The following MMP21 variants were observed in gnomAD, a reference collection of about 807,000 sequenced individuals.
MMP21 encodes matrix metalloproteinase-21.
In MMP21, 40 loss-of-function variants were observed where a neutral mutation model predicts 47.8. That is an observed-to-expected ratio of 0.84 (90% confidence interval 0.65 to 1.09). The LOEUF (loss-of-function observed/expected upper bound fraction) is 1.09. Among genes scored for constraint, MMP21 ranks in the 50% least tolerant of loss-of-function variants. The pLI is 0.00. For synonymous variants in MMP21, 341 were observed against 318.0 expected, an observed-to-expected ratio of 1.07 and a Z score of -0.77; for missense variants, 747 against 775.3, an observed-to-expected ratio of 0.96 and a Z score of 0.43.
chr10:125,770,662 TTGAA>T, intron 4 of MMP21, 71 bp from the exon 5 acceptor site: 1 of 1,535,940 alleles, frequency 6.5e-7, no homozygotes, highest in Non-Finnish European at 8.8e-7. Context: ...CATATGTGAC[TTGAA>T]TGAAGACAGT....
At chr10:125,769,107 G>A (rs1850416775) in intron 5 of MMP21, among the ~76,000 whole-genome samples, 1 of 152,206 alleles carries the variant, frequency 6.6e-6, no homozygotes, top group South Asian at 2.1e-4. Flanking sequence ...GGAAAAAGCA[G>A]TGACCCCAAA....
chr10:125,772,567 G>A lies in MMP21; in HGVS notation c.837+44C>T, dbSNP rs1202295920. The A allele has an allele frequency of 9.3e-6, 15 of 1,611,888 alleles. No homozygotes were observed. Among genetic ancestry groups the A allele is most frequent in the Non-Finnish European group, 1.3e-5 (15 of 1,178,058 alleles). ...GGACTTTTTGGACGTCAGCCCATGAGCACTGCTGGTGTCTTATCAACACAG... is the reference window on the plus strand; with the variant it reads ...GGACTTTTTGGACGTCAGCCCATGAACACTGCTGGTGTCTTATCAACACAG... On this transcript the variant is annotated intron_variant, in intron 3 of 6. Coordinates refer to ENST00000368808, the MANE Select transcript of MMP21 (RefSeq NM_147191.1). The surrounding 1 kb of genome is among the most constrained non-coding windows in gnomAD (Gnocchi z 5.6).
Position 125,770,488 on chromosome 10 carries a change from G to GT in MMP21, c.1082dup (p.Asn361LysfsTer8). ...GATTTTCATAAAGCCAGTACCAGCT[G>GT]TTACGGAAGAAATATGTGCTAAATC... On this transcript the variant is annotated frameshift_variant, in exon 5 of 7. Coordinates refer to ENST00000368808, the MANE Select transcript of MMP21 (RefSeq NM_147191.1). LOFTEE classifies it high-confidence loss of function. 6.2e-7 allele frequency: 1 copy of GT among 1,614,150 alleles called. No individual in the cohort carries two copies. Among genetic ancestry groups the GT allele is most frequent in the Non-Finnish European group, 8.5e-7 (1 of 1,180,028 alleles).
Position 125,774,199 on chromosome 10 carries a change from G to A in MMP21, c.329C>T (p.Ala110Val), listed in dbSNP as rs748424340. The A allele has an allele frequency of 4.6e-5, 62 of 1,350,878 alleles. No individual in the cohort carries two copies. Among genetic ancestry groups the A allele is most frequent in the Non-Finnish European group, 5.3e-5 (56 of 1,055,884 alleles). The allele number at this position is 1,350,878 out of a possible 1,614,324, so 83.7% of individuals were successfully genotyped here. ...CCCGCAGCGCGGCCGGTTCATGGCC[G>A]CTAGGGTGGCCGCGTCCAGCTCCCC... ...ASGELDAATL[A>V]AMNRPRCGVP... Residue 110 changes from alanine to valine, a missense_variant, in exon 2 of 7, where the codon GCG becomes GTG. By Grantham distance (64) the Ala-to-Val change is moderately conservative. Transcript: ENST00000368808.
rs1273263500 is a variant in MMP21, at chr10:125,767,759, A to AT, written c.1238-56_1238-55insA. 2.5e-6 allele frequency: 4 copies of AT among 1,573,140 alleles called. No homozygotes were observed. In the African/African-American group the frequency reaches 5.4e-5, roughly 21 times the overall value. ...GTTTATTACTATTAAATCACGTGAC[A>AT]AAAAGGACAGTTTTCAATCTAGGTC... On this transcript the variant is annotated intron_variant, in intron 5 of 6. Transcript: ENST00000368808.
At position 125,773,420 on chromosome 10, in the gene MMP21, T is replaced by A. The variant is rs1406430735; in HGVS notation, c.697+411A>T. On this transcript the variant is annotated intron_variant, in intron 2 of 6. Coordinates refer to ENST00000368808, the MANE Select transcript of MMP21 (RefSeq NM_147191.1). The surrounding 1 kb of genome is among the most constrained non-coding windows in gnomAD (Gnocchi z 4.8). The stretch of plus-strand genomic sequence containing the variant: ...GGTCTGCCCCTTAAAAACACTTCTG[T>A]TGCTAGACGTCCAAGGTATTTTGTC... Among the ~76,000 whole-genome samples, 1 of 152,036 alleles carries A rather than the reference T, an allele frequency of 6.6e-6. No individual in the cohort carries two copies. Among genetic ancestry groups the A allele is most frequent in the African/African-American group, 2.4e-5 (1 of 41,390 alleles).
Position 125,770,514 on chromosome 10 carries a change from T to C in MMP21, c.1057A>G (p.Arg353Gly). ...TTACGGAAGAAATATGTGCTAAATC[T>C]CACCATCACCTCTCCATATTGGTTT... Reference protein sequence around the residue: ...ERNQYGEVMVRFSTYFFRNSW... With the variant: ...ERNQYGEVMVGFSTYFFRNSW... The change falls in exon 5 of 7, where the codon AGA becomes GGA. Residue 353 changes from arginine (R) to glycine (G), a missense_variant. Transcript: ENST00000368808. 6.2e-7 allele frequency: 1 copy of C among 1,614,104 alleles called. No homozygotes were observed. The highest frequency in any genetic ancestry group is 8.5e-7 in the Non-Finnish European group (1 of 1,180,026).
intron 5 of MMP21, 131 bp downstream of exon 5, chr10:125,770,203 A>G: frequency 1.0e-6 from 1 of 982,602 alleles, no homozygotes. Flanking sequence ...TTCCAGTCTG[A>G]TGGAGCAGAC....
In MMP21 at chr10:125,766,955, C is replaced by A; in HGVS notation, c.1417G>T (p.Ala473Ser). The change falls in exon 7 of 7, where the codon GCA becomes TCA. Residue 473 changes from alanine to serine, a missense_variant. Ala to Ser is a moderately conservative substitution (Grantham distance 99, BLOSUM62 1). Transcript: ENST00000368808. ...IYFFKESLVFAFDVNRNRVLN... is the reference protein window; with the variant it reads ...IYFFKESLVFSFDVNRNRVLN... ...ACTCGATTTCTGTTGACATCAAATG[C>A]AAATACCTGCAAAGCAAATAAGATA... 1 of 1,576,760 alleles carries A rather than the reference C, an allele frequency of 6.3e-7. No homozygotes were observed. The highest frequency in any genetic ancestry group is 8.6e-7 in the Non-Finnish European group (1 of 1,165,948).
At position 125,774,343 on chromosome 10, in the gene MMP21, C is replaced by A; in HGVS notation, c.185G>T (p.Trp62Leu). 1 of 1,395,502 alleles carries A rather than the reference C, an allele frequency of 7.2e-7. No individual in the cohort carries two copies. Among genetic ancestry groups the A allele is most frequent in the Non-Finnish European group, 9.3e-7 (1 of 1,080,784 alleles). The allele number at this position is 1,395,502 out of a possible 1,614,324, so 86.4% of individuals were successfully genotyped here. Reference sequence around the variant, plus strand: ...CCCCCAGGCCGCCCACACCCCTGACCAGCCGTATCTGGACAGGAACCGCTG... The same window carrying A: ...CCCCCAGGCCGCCCACACCCCTGACAAGCCGTATCTGGACAGGAACCGCTG... The part of the protein sequence containing the change: ...AAQRFLSRYG[W>L]SGVWAAWGPS... Residue 62 changes from tryptophan (W) to leucine (L), a missense_variant, in exon 2 of 7, where the codon TGG becomes TTG. Trp to Leu is a moderately conservative substitution (Grantham distance 61). Coordinates refer to ENST00000368808, the MANE Select transcript of MMP21 (RefSeq NM_147191.1).
At position 125,773,806 on chromosome 10, in the gene MMP21, G is replaced by A. The variant is rs905665957; in HGVS notation, c.697+25C>T. 1.4e-6 allele frequency: 2 copies of A among 1,479,678 alleles called. No individual in the cohort carries two copies. Among genetic ancestry groups the A allele is most frequent in the African/African-American group, 1.5e-5 (1 of 68,888 alleles). 91.7% of individuals were successfully genotyped at this position (1,479,678 alleles called of 1,614,324 possible). A position where few individuals can be genotyped will look rare whatever the true frequency, so the allele number is the denominator to read the frequency against. On this transcript the variant is annotated intron_variant, in intron 2 of 6. Transcript: ENST00000368808. This position sits in a 1 kb window ranked among gnomAD's most constrained non-coding sequence, Gnocchi z 4.8. ...GGTCCCCGAGGGGCTGGGTCGGGCA[G>A]GCAGGGAGCCCGGGGTGCTCTTACC...
In MMP21 at chr10:125,770,593, T is replaced by C; in HGVS notation, c.980-2A>G. 1 of 1,610,704 alleles carries C rather than the reference T, an allele frequency of 6.2e-7. No homozygotes were observed. Among genetic ancestry groups the C allele is most frequent in the East Asian group, 2.2e-5 (1 of 44,846 alleles). On this transcript the variant is annotated splice_acceptor_variant, in intron 4 of 6. Coordinates refer to ENST00000368808, the MANE Select transcript of MMP21 (RefSeq NM_147191.1). LOFTEE classifies it high-confidence loss of function. ...TATCAAATGATCCCTCACAGGAGCC[T>C]TAAAAAAACAAACAAAAAACAGCCA...
At position 125,767,570 on chromosome 10, in the gene MMP21, G is replaced by C. The variant is rs145119918; in HGVS notation, c.1372C>G (p.Arg458Gly). ...AAGAAGTAAATTAACTTCTGTCTTC[G>C]GTCATAAAACGCCGTGTCTAGGGGA... ...PSPLDTAFYD[R>G]RQKLIYFFKE... The change falls in exon 6 of 7, where the codon CGA becomes GGA. Residue 458 changes from arginine to glycine, a missense_variant. Coordinates refer to ENST00000368808, the MANE Select transcript of MMP21 (RefSeq NM_147191.1). 2 of 1,614,128 alleles carry C rather than the reference G, an allele frequency of 1.2e-6. No homozygotes were observed. The highest frequency in any genetic ancestry group is 1.1e-5 in the South Asian group (1 of 91,080).
At position 125,766,519 on chromosome 10, in the gene MMP21, T is replaced by G. The variant is rs17153519; in HGVS notation, c.*143A>C. On this transcript the variant is annotated 3_prime_UTR_variant, in exon 7 of 7. Transcript: ENST00000368808. ...GCAATTGTTTTTAAATCAAGTATTT[T>G]AAAAGTTCAACTAAGGCTTTTCCCA... The G allele has an allele frequency of 0.014, 8,476 of 609,720 alleles. 490 individuals carry two copies. The highest frequency in any genetic ancestry group is 0.14 in the African/African-American group (7,248 of 53,324). The allele number at this position is 609,720 out of a possible 1,614,324, so 37.8% of individuals were successfully genotyped here.
At position 125,766,481 on chromosome 10, in the gene MMP21, A is replaced by T. The variant is rs1340514644; in HGVS notation, c.*181T>A. 3.7e-6 allele frequency: 2 copies of T among 541,306 alleles called. No homozygotes were observed. The highest frequency in any genetic ancestry group is 3.9e-5 in the African/African-American group (2 of 51,662). 33.5% of individuals were successfully genotyped at this position (541,306 alleles called of 1,614,324 possible). A position where few individuals can be genotyped will look rare whatever the true frequency, so the allele number is the denominator to read the frequency against. On this transcript the variant is annotated 3_prime_UTR_variant, in exon 7 of 7. Coordinates refer to ENST00000368808, the MANE Select transcript of MMP21 (RefSeq NM_147191.1). The stretch of plus-strand genomic sequence containing the variant: ...TTTTAAACCTTTTAGTTTATGAATT[A>T]TGTTTTGCCTGAGCAATTGTTTTTA...
intron 5 of MMP21, 29 bp from the exon 6 acceptor site, chr10:125,767,733 G>T: frequency 6.2e-7 from 1 of 1,607,964 alleles, no homozygotes; most frequent in Non-Finnish European, 8.5e-7. Context: ...ACGTTCATGT[G>T]GTTTATTACT....
At chr10:125,775,606 T>C in intron 1 of MMP21, 54 bp downstream of exon 1, 1 of 1,520,140 alleles carries the variant, frequency 6.6e-7, no homozygotes, top group African/African-American at 1.4e-5. Flanking sequence ...CGCATGTGCC[T>C]GTGTGCACGT....
chr10:125,766,795 T>C lies in MMP21; in HGVS notation c.1577A>G (p.Tyr526Cys), dbSNP rs1372771922. 15 of 1,614,038 alleles carry C rather than the reference T, an allele frequency of 9.3e-6. No homozygotes were observed. The South Asian group carries it at 1.4e-4, about 15-fold the overall frequency. The part of the protein sequence containing the change: ...NSIFFFKGNA[Y>C]WKVVNDKDKQ... ...GTCCTTGTCATTAACTACCTTCCAGTATGCATTGCCTTTGAAAAAGAAAAT... is the reference window on the plus strand; with the variant it reads ...GTCCTTGTCATTAACTACCTTCCAGCATGCATTGCCTTTGAAAAAGAAAAT... Residue 526 changes from tyrosine to cysteine, a missense_variant, in exon 7 of 7, where the codon TAC becomes TGC. By Grantham distance (194) the Tyr-to-Cys change is radical. Transcript: ENST00000368808.
rs1850399264 is a variant in MMP21 at position 125,767,520 on chromosome 10, C to G, written c.1410+12G>C. On this transcript the variant is annotated intron_variant, in intron 6 of 6. Coordinates refer to ENST00000368808, the MANE Select transcript of MMP21 (RefSeq NM_147191.1). ...ACAGAAGCATTGCTAGGCTGAAGAG[C>G]CTTCTACTTACAAGGGACTCCTTGA... is the stretch of plus-strand genomic sequence containing the variant. 2 of 1,612,170 alleles carry G rather than the reference C, an allele frequency of 1.2e-6. No homozygotes were observed. Among genetic ancestry groups the G allele is most frequent in the Non-Finnish European group, 1.7e-6 (2 of 1,178,686 alleles).
Sources: gnomAD v4.1 joint callset for allele counts (sites outside exome capture counted in the v4.1 genomes callset) on GRCh38, gnomAD v4.1.1 for gene constraint, Gnocchi (gnomAD v3.1) non-coding constraint, MANE v1.5 for transcripts, NCBI Gene and HGNC (gene_info 2026-07-23, HGNC 2026-07-21) for gene names.